Variants in LRRK2 observed in about 807,000 individuals in gnomAD.
The protein encoded by LRRK2 is leucine-rich repeat serine/threonine-protein kinase 2.
A neutral mutation model predicts 302.6 loss-of-function variants in LRRK2; 203 were observed. The observed-to-expected ratio is 0.67, with a 90% confidence interval of 0.60 to 0.75. LRRK2 has a LOEUF of 0.75. LRRK2 is among the 30% of genes least tolerant of loss of function. The pLI is 0.00. For missense variants in LRRK2, 2,830 were observed against 2,951.0 expected, an observed-to-expected ratio of 0.96 and a Z score of 0.95; for synonymous variants, 1,066 against 1,031.9, an observed-to-expected ratio of 1.03 and a Z score of -0.63.
chr12:40,236,089 C>A (rs1035470806), intron 4 of LRRK2, among the ~76,000 whole-genome samples: 2 of 152,124 alleles, frequency 1.3e-5, no homozygotes, highest in African/African-American at 4.8e-5. Context: ...CATATTCCCC[C>A]AGGTTAGTGG....
chr12:40,274,239 T>G (rs186273177), intron 14 of LRRK2, among the ~76,000 whole-genome samples: 1 of 152,340 alleles, frequency 6.6e-6, no homozygotes, highest in African/African-American at 2.4e-5. Context: ...CTGCAATTTA[T>G]AGTTTGTGTA....
chr12:40,253,729 G>A (rs1565683365), intron 11 of LRRK2, among the ~76,000 whole-genome samples: 1 of 152,114 alleles, frequency 6.6e-6, no homozygotes, highest in Non-Finnish European at 1.5e-5. Context: ...CCTGTATTCT[G>A]TTTTATGAAC....
intron 39 of LRRK2, among the ~76,000 whole-genome samples, chr12:40,329,364 A>G (rs180854531): frequency 6.6e-6 from 1 of 152,300 alleles, no homozygotes; most frequent in East Asian, 1.9e-4. Context: ...GATGAGGAAA[A>G]TTAACGCTAT....
At chr12:40,340,233 G>T in intron 40 of LRRK2, 61 bp from the exon 41 acceptor site, 1 of 1,560,074 alleles carries the variant, frequency 6.4e-7, no homozygotes, top group African/African-American at 1.4e-5. Flanking sequence ...AAGGAAATTA[G>T]GACAAAAATT....
At chr12:40,332,698 A>G (rs932463004) in intron 39 of LRRK2, among the ~76,000 whole-genome samples, 1 of 152,186 alleles carries the variant, frequency 6.6e-6, no homozygotes, top group Non-Finnish European at 1.5e-5. Context: ...CAAATTGAAC[A>G]TTTTATATAT....
intron 31 of LRRK2, 59 bp from the exon 32 acceptor site, chr12:40,313,913 C>T: frequency 6.9e-7 from 1 of 1,453,966 alleles, no homozygotes; most frequent in Non-Finnish European, 9.5e-7. Context: ...ATTTGCCAAC[C>T]ATTTGACAAA....
At chr12:40,226,485 G>A (rs1377524448) in intron 2 of LRRK2, among the ~76,000 whole-genome samples, 1 of 152,190 alleles carries the variant, frequency 6.6e-6, no homozygotes, top group Non-Finnish European at 1.5e-5. Context: ...CTTAATGGTT[G>A]AGAGGCTTGA....
At chr12:40,227,724 C>T (rs1314040795) in intron 2 of LRRK2, among the ~76,000 whole-genome samples, 2 of 152,162 alleles carry the variant, frequency 1.3e-5, no homozygotes, top group African/African-American at 4.8e-5. Context: ...GAGACAGGGT[C>T]TCACTCTGTT....
rs756004024 is a variant in LRRK2, at chr12:40,225,107, C to G, written c.-25C>G. 6.2e-7 allele frequency: 1 copy of G among 1,612,820 alleles called. No individual in the cohort carries two copies. The highest frequency in any genetic ancestry group is 1.7e-5 in the Admixed American group (1 of 59,994). ...GCAGCGGACGTTCATGCTGGGAGGG[C>G]GGCGGGTTGGAAGCAGGTGCCACCA... On this transcript the variant is annotated 5_prime_UTR_variant, in exon 1 of 51. Coordinates refer to ENST00000298910, the MANE Select transcript of LRRK2 (RefSeq NM_198578.4).
intron 7 of LRRK2, 109 bp from the exon 8 acceptor site, chr12:40,249,717 A>T (rs548317638): frequency 7.9e-7 from 1 of 1,268,108 alleles, no homozygotes; most frequent in South Asian, 1.2e-5. Flanking sequence ...TTTTAATGCC[A>T]TTGAATATTC....
intron 13 of LRRK2, among the ~76,000 whole-genome samples, chr12:40,262,955 C>G (rs941668533): frequency 2.2e-4 from 33 of 152,148 alleles, no homozygotes; most frequent in Non-Finnish European, 4.3e-4. Context: ...GGGTGGTTAT[C>G]AAGGCTGCCT....
chr12:40,315,768 T>G (rs1945196539), intron 33 of LRRK2, among the ~76,000 whole-genome samples: 1 of 151,048 alleles, frequency 6.6e-6, no homozygotes, highest in South Asian at 2.1e-4. Flanking sequence ...ATGGCCTTGG[T>G]TATAGCTATT....
At chr12:40,325,959 T>C (rs565488862) in intron 38 of LRRK2, among the ~76,000 whole-genome samples, 1 of 152,362 alleles carries the variant, frequency 6.6e-6, no homozygotes, top group South Asian at 2.1e-4. Flanking sequence ...TTTATTTTTC[T>C]GGAGAGCCAA....
chr12:40,305,814 T>A lies in LRRK2; in HGVS notation c.3807T>A (p.Asn1269Lys). ...EIPPEIGCLE[N>K]LTSLDVSYNL... is the part of the protein sequence containing the mutation. ...CTCCTGAGATTGGCTGTCTTGAAAA[T>A]CTGACATCTCTGGATGTCAGTTACA... The change falls in exon 28 of 51, where the codon AAT (asparagine) becomes AAA (lysine). Residue 1269 changes from asparagine (N) to lysine (K), a missense_variant. Coordinates refer to ENST00000298910, the MANE Select transcript of LRRK2 (RefSeq NM_198578.4). 6.2e-7 allele frequency: 1 copy of A among 1,613,688 alleles called. No homozygotes were observed. Among genetic ancestry groups the A allele is most frequent in the Non-Finnish European group, 8.5e-7 (1 of 1,179,770 alleles).
rs1946941109 is a variant in LRRK2 at position 40,368,440 on chromosome 12, C to G, written c.*675C>G. ...TATCTAGGAAAGACACAGAAACTCT[C>G]TTTGTCACAGAAACTCTCTGTGTCT... On this transcript the variant is annotated 3_prime_UTR_variant, in exon 51 of 51. Transcript: ENST00000298910. 6.6e-6 allele frequency: 1 copy of G among 151,840 alleles called. No individual in the cohort carries two copies. Among genetic ancestry groups the G allele is most frequent in the African/African-American group, 2.4e-5 (1 of 41,404 alleles). The allele number at this position is 151,840 out of a possible 1,614,324, so 9.4% of individuals were successfully genotyped here. A position where few individuals can be genotyped will look rare whatever the true frequency, so the allele number is the denominator to read the frequency against.
chr12:40,362,587 G>A (rs749888474), intron 47 of LRRK2, among the ~76,000 whole-genome samples: 1 of 151,932 alleles, frequency 6.6e-6, no homozygotes, highest in African/African-American at 2.4e-5. Flanking sequence ...ATTTAATAAG[G>A]TCTATAATAT....
At chr12:40,313,599 C>G (rs899111399) in intron 31 of LRRK2, among the ~76,000 whole-genome samples, 1 of 151,860 alleles carries the variant, frequency 6.6e-6, no homozygotes, top group Non-Finnish European at 1.5e-5. Context: ...GTAATTTGTA[C>G]TGATATCTTA....
rs200143418 is a variant in LRRK2 at position 40,320,103 on chromosome 12, A to G, written c.4943A>G (p.Gln1648Arg). The G allele has an allele frequency of 1.4e-4, 227 of 1,611,826 alleles. No homozygotes were observed. Among genetic ancestry groups the G allele is most frequent in the Non-Finnish European group, 1.9e-4 (219 of 1,178,794 alleles). ...KRKFPKNYMS[Q>R]YFKLLEKFQI... The stretch of plus-strand genomic sequence containing the variant: ...AAATTTCCAAAGAACTACATGTCAC[A>G]GTATTTTAAGCTCCTAGAAAAATTC... The change falls in exon 34 of 51, where the codon CAG (glutamine) becomes CGG (arginine). Residue 1648 changes from glutamine (Q) to arginine (R), a missense_variant. By Grantham distance (43) the Gln-to-Arg change is conservative. Coordinates refer to ENST00000298910, the MANE Select transcript of LRRK2 (RefSeq NM_198578.4).
At chr12:40,312,897 T>C (rs932988509) in intron 31 of LRRK2, 1 of 151,936 alleles carries the variant, frequency 6.6e-6, no homozygotes, top group African/African-American at 2.4e-5. Flanking sequence ...AGAGGGAACA[T>C]GAAAAGTGGA....
Sources: gnomAD v4.1 joint callset for allele counts (sites outside exome capture counted in the v4.1 genomes callset) on GRCh38, gnomAD v4.1.1 for gene constraint, MANE v1.5 for transcripts, NCBI Gene and HGNC (gene_info 2026-07-23, HGNC 2026-07-21) for gene names.